The following EPHA6 variants were observed in gnomAD, a reference collection of about 807,000 sequenced individuals.
EPHA6 encodes the protein EPH receptor A6.
Under a neutral mutation model 112.0 loss-of-function variants are expected in EPHA6, and 50 were observed. That is an observed-to-expected ratio of 0.45 (90% CI 0.36 to 0.56). EPHA6 has a LOEUF of 0.56. Ranked by LOEUF, EPHA6 falls within the 20% of genes least tolerant of loss-of-function variation. The pLI, the probability that EPHA6 is intolerant of heterozygous loss-of-function variation, is 0.00. For synonymous variants in EPHA6, 529 were observed against 490.7 expected (o/e 1.08, Z -1.03); for missense variants, 1,280 against 1,417.4 (o/e 0.90, Z 1.56).
chr3:96,910,863 A>G (rs1449233826), intron 2 of EPHA6, among the ~76,000 whole-genome samples: 2 of 152,050 alleles, frequency 1.3e-5, no homozygotes, highest in East Asian at 3.9e-4. Flanking sequence ...TATCTTGTTT[A>G]CCACTGTATG....
In EPHA6 at chr3:97,761,205, C is replaced by T. The variant is rs2036158455; in HGVS notation, c.*12504C>T. The T allele has an allele frequency of 5.0e-6, 1 of 198,020 alleles. No individual in the cohort carries two copies. Among genetic ancestry groups the T allele is most frequent in the Admixed American group, 6.0e-5 (1 of 16,532 alleles). 12.3% of individuals were successfully genotyped at this position (198,020 alleles called of 1,614,324 possible). ...ACTATTTTTATCTTACAAAAATCTA[C>T]TATAATATTAATAACTTTCCATGTA... On this transcript the variant is annotated 3_prime_UTR_variant, in exon 18 of 18. Coordinates refer to ENST00000389672, the MANE Select transcript of EPHA6 (RefSeq NM_001080448.3).
chr3:97,695,033 G>C (rs2032941397), intron 14 of EPHA6, among the ~76,000 whole-genome samples: 1 of 152,146 alleles, frequency 6.6e-6, no homozygotes, highest in African/African-American at 2.4e-5. Flanking sequence ...CAGCATGACA[G>C]CTAGTGTATT....
chr3:97,335,938 G>A (rs139620523), intron 5 of EPHA6, among the ~76,000 whole-genome samples: 16 of 152,108 alleles, frequency 1.1e-4, no homozygotes, highest in African/African-American at 3.9e-4. Flanking sequence ...GCCAGTTCCC[G>A]CATGGGAGCC....
intron 2 of EPHA6, among the ~76,000 whole-genome samples, chr3:96,939,849 T>G (rs1398703220): frequency 6.6e-6 from 1 of 152,206 alleles, no homozygotes. Context: ...TCTGCCTTCA[T>G]TTTGTTATGT....
intron 16 of EPHA6, among the ~76,000 whole-genome samples, chr3:97,741,958 T>TC (rs555938045): frequency 6.6e-6 from 1 of 151,806 alleles, no homozygotes; most frequent in Non-Finnish European, 1.5e-5. Context: ...AGTCCATATA[T>TC]CCCCCAAACA....
At position 97,065,835 on chromosome 3, in the gene EPHA6, C is replaced by G. The variant is rs146483388; in HGVS notation, c.1114+77842C>G. Among the ~76,000 whole-genome samples, 856 of 151,924 alleles carry G rather than the reference C, an allele frequency of 5.6e-3. 11 individuals are homozygous for G. The highest frequency in any genetic ancestry group is 0.019 in the African/African-American group (803 of 41,474). The stretch of plus-strand genomic sequence containing the variant: ...GATACTATTTATTTTTAGTAACTCT[C>G]TAAAGTTTAATTTTTAAAGAAATAT... On this transcript the variant is annotated intron_variant, in intron 3 of 17. Transcript: ENST00000389672.
At chr3:97,721,605 G>A (rs1186957441) in intron 15 of EPHA6, among the ~76,000 whole-genome samples, 1 of 152,200 alleles carries the variant, frequency 6.6e-6, no homozygotes, top group Non-Finnish European at 1.5e-5. Context: ...TGCAAAGCCA[G>A]TGTGGCTGGG....
chr3:97,335,056 G>A (rs1294894180), intron 5 of EPHA6, among the ~76,000 whole-genome samples: 1 of 152,166 alleles, frequency 6.6e-6, no homozygotes, highest in Non-Finnish European at 1.5e-5. Flanking sequence ...TTAAACAACA[G>A]ACATGTGTTT....
intron 3 of EPHA6, among the ~76,000 whole-genome samples, chr3:97,072,280 G>A (rs1262581943): frequency 1.3e-5 from 2 of 152,094 alleles, no homozygotes; most frequent in Admixed American, 6.6e-5. Context: ...TTTAGAAATA[G>A]AGTCTTTGCC....
intron 11 of EPHA6, among the ~76,000 whole-genome samples, chr3:97,573,213 G>T (rs1409490707): frequency 6.6e-6 from 1 of 152,158 alleles, no homozygotes; most frequent in Non-Finnish European, 1.5e-5. Context: ...ATTATTTAAA[G>T]TATGGTGTTA....
At chr3:97,032,708 C>G (rs1035047147) in intron 3 of EPHA6, among the ~76,000 whole-genome samples, 7 of 151,976 alleles carry the variant, frequency 4.6e-5, no homozygotes, top group African/African-American at 1.7e-4. Context: ...ATGAAACTCT[C>G]TGTACCACCC....
At chr3:97,187,688 G>GGAAAGAAAGGAAAGAAAGAAA (rs1553718539) in intron 3 of EPHA6, among the ~76,000 whole-genome samples, 5 of 108,014 alleles carry the variant, frequency 4.6e-5, no homozygotes, top group African/African-American at 1.8e-4. Context: ...AAAGAAAGAA[G>GGAAAGAAAGGAAAGAAAGAAA]GAAAGAAAGA....
At chr3:97,030,570 T>A (rs2044792299) in intron 3 of EPHA6, among the ~76,000 whole-genome samples, 2 of 152,092 alleles carry the variant, frequency 1.3e-5, no homozygotes, top group Admixed American at 1.3e-4. Context: ...CCTTCCAGAA[T>A]ATCTAGCATA....
chr3:97,091,792 G>A (rs1034710506), intron 3 of EPHA6, among the ~76,000 whole-genome samples: 2 of 152,114 alleles, frequency 1.3e-5, no homozygotes, highest in African/African-American at 4.8e-5. Flanking sequence ...TTTTCTTGCT[G>A]TGAAGATGAC....
chr3:97,688,032 G>A (rs2107698971), intron 14 of EPHA6, among the ~76,000 whole-genome samples: 1 of 152,286 alleles, frequency 6.6e-6, no homozygotes, highest in Admixed American at 6.5e-5. Context: ...AGTCAGTGAG[G>A]CGGGGAAATA....
At chr3:96,889,781 A>G (rs898837524) in intron 2 of EPHA6, among the ~76,000 whole-genome samples, 1 of 152,158 alleles carries the variant, frequency 6.6e-6, no homozygotes, top group African/African-American at 2.4e-5. Flanking sequence ...ACGAAAACTT[A>G]TTATAATGCT....
At chr3:97,713,640 C>A (rs1292305032) in intron 14 of EPHA6, among the ~76,000 whole-genome samples, 1 of 152,190 alleles carries the variant, frequency 6.6e-6, no homozygotes, top group Non-Finnish European at 1.5e-5. Flanking sequence ...CCTGCACAAT[C>A]CCATGTGCAT....
intron 5 of EPHA6, among the ~76,000 whole-genome samples, chr3:97,319,698 AC>A (rs1161484333): frequency 6.6e-5 from 10 of 150,856 alleles, no homozygotes; most frequent in East Asian, 1.9e-4. Flanking sequence ...CAAAAAAAAA[AC>A]AACACCAAAA....
At chr3:97,640,377 C>T (rs1209684835) in intron 14 of EPHA6, among the ~76,000 whole-genome samples, 1 of 152,120 alleles carries the variant, frequency 6.6e-6, no homozygotes, top group African/African-American at 2.4e-5. Context: ...ACCTGAGTGG[C>T]ACTCCAAGAA....
Sources: gnomAD v4.1 joint callset for allele counts (sites outside exome capture counted in the v4.1 genomes callset) on GRCh38, gnomAD v4.1.1 for gene constraint, MANE v1.5 for transcripts, NCBI Gene and HGNC (gene_info 2026-07-23, HGNC 2026-07-21) for gene names.